ESRRG: variants seen among roughly 807,000 people sequenced by gnomAD.
ESRRG encodes the protein estrogen-related receptor gamma.
In ESRRG, 13 loss-of-function variants were observed where a neutral mutation model predicts 44.0. That is an observed-to-expected ratio of 0.30 (90% CI 0.19 to 0.47). ESRRG has a LOEUF of 0.47. Among genes scored for constraint, ESRRG ranks in the 20% least tolerant of loss-of-function variants. The probability of loss-of-function intolerance (pLI) is 1.00; values close to 1 mark genes in which losing one functional copy is unlikely to be tolerated. For synonymous variants in ESRRG, 215 were observed against 214.6 expected (o/e 1.00, Z -0.02); for missense variants, 395 against 580.6 (o/e 0.68, Z 3.29).
intron 6 of ESRRG, among the ~76,000 whole-genome samples, chr1:216,512,684 T>C (rs1368555028): frequency 6.6e-6 from 1 of 152,084 alleles, no homozygotes; most frequent in Non-Finnish European, 1.5e-5. Flanking sequence ...TATGTACTTA[T>C]CGTGGTAGGC....
At chr1:216,717,836 T>G (rs2085243516) in intron 1 of ESRRG, among the ~76,000 whole-genome samples, 1 of 151,784 alleles carries the variant, frequency 6.6e-6, no homozygotes, top group East Asian at 1.9e-4. Context: ...ATAAAGGAAA[T>G]TCATATTTTG....
intron 5 of ESRRG, among the ~76,000 whole-genome samples, chr1:216,528,047 GAATA>G (rs149251157): frequency 0.083 from 12,550 of 152,096 alleles, 1,032 homozygotes; most frequent in African/African-American, 0.21. Flanking sequence ...CTAAATGAAT[GAATA>G]GAGAATTCCT....
chr1:217,054,262 A>G (rs2086659317), intron 1 of ESRRG, among the ~76,000 whole-genome samples: 1 of 152,172 alleles, frequency 6.6e-6, no homozygotes, highest in African/African-American at 2.4e-5. Context: ...CCAATAGGCT[A>G]TTGATCATAC....
chr1:216,959,628 A>G (rs909483630), intron 1 of ESRRG: 6 of 152,108 alleles, frequency 3.9e-5, no homozygotes, highest in African/African-American at 1.2e-4. Context: ...TCAAGGCAGG[A>G]GTAAGCTCTG....
At chr1:216,943,427 A>G (rs2065571872) in intron 1 of ESRRG, among the ~76,000 whole-genome samples, 1 of 152,206 alleles carries the variant, frequency 6.6e-6, no homozygotes, top group Non-Finnish European at 1.5e-5. Context: ...TCTGTTCTTC[A>G]GGTCTCAAAC....
In ESRRG at chr1:216,614,446, A is replaced by G. The variant is rs144927154; in HGVS notation, c.589+36527T>C. On this transcript the variant is annotated intron_variant, in intron 3 of 6. Coordinates refer to ENST00000408911, the MANE Select transcript of ESRRG (RefSeq NM_001438.4). ...AGGAATACAGCCTGTTAGCTCCAAC[A>G]TGGTAGCTGAATATATATCTGGTGA... Among the ~76,000 whole-genome samples, 420 of 152,280 alleles carry G rather than the reference A, an allele frequency of 2.8e-3. 3 individuals are homozygous for G. Among genetic ancestry groups the G allele is most frequent in the African/African-American group, 9.7e-3 (401 of 41,544 alleles).
intron 1 of ESRRG, among the ~76,000 whole-genome samples, chr1:217,082,579 C>T (rs961708137): frequency 6.6e-6 from 1 of 152,072 alleles, no homozygotes; most frequent in Admixed American, 6.5e-5. Flanking sequence ...ACTAGTTTGC[C>T]TCTTTTTCCT....
At chr1:216,548,839 C>T (rs569136074) in intron 5 of ESRRG, among the ~76,000 whole-genome samples, 57 of 152,056 alleles carry the variant, frequency 3.7e-4, no homozygotes, top group African/African-American at 4.8e-4. Context: ...GAGTAATTAC[C>T]GTAAAGGTAC....
chr1:216,842,190 C>G (rs6698423), intron 2 of ESRRG, among the ~76,000 whole-genome samples: 5,123 of 152,196 alleles, frequency 0.034, 301 homozygotes, highest in African/African-American at 0.11. Flanking sequence ...GCTATTAAAC[C>G]TATTCGCTAT....
chr1:216,692,312 ATGTGTGTGTGTGTGTGTGTGTGTG>A (rs56856888), intron 1 of ESRRG, among the ~76,000 whole-genome samples: 2 of 147,592 alleles, frequency 1.4e-5, no homozygotes, highest in South Asian at 2.2e-4. Context: ...AGGCTAGTGT[ATGTGTGTGTGTGTGTGTGTGTGTG>A]TGTGTGTGTG....
chr1:217,082,670 A>C (rs115839642), intron 1 of ESRRG, among the ~76,000 whole-genome samples: 24,374 of 127,930 alleles, frequency 0.19, 2,244 homozygotes, highest in Admixed American at 0.27. Flanking sequence ...CCCCCACCCC[A>C]CACACACACA....
In ESRRG at chr1:217,016,280, C is replaced by T. The variant is rs758587736; in HGVS notation, c.-106+73227G>A. Among the ~76,000 whole-genome samples, 92 of 151,844 alleles carry T rather than the reference C, an allele frequency of 6.1e-4. 1 individual carries two copies. The highest frequency in any genetic ancestry group is 3.3e-4 in the Admixed American group (5 of 15,232). Reference sequence around the variant, plus strand: ...TTTTTAATAAAGCCAAGTGCCATTTCCTTTTTTTTTAAGATTGTATAATGG... The same window carrying T: ...TTTTTAATAAAGCCAAGTGCCATTTTCTTTTTTTTTAAGATTGTATAATGG... On this transcript the variant is annotated intron_variant, in intron 1 of 7. Transcript: ENST00000359162.
intron 2 of ESRRG, among the ~76,000 whole-genome samples, chr1:216,670,595 T>G (rs988750210): frequency 2.0e-5 from 3 of 152,168 alleles, no homozygotes; most frequent in African/African-American, 7.2e-5. Context: ...TCAAACTCCC[T>G]GGCTAGATCA....
intron 3 of ESRRG, among the ~76,000 whole-genome samples, chr1:216,622,609 TACACACACGC>T (rs2062439273): frequency 6.6e-6 from 1 of 150,824 alleles, no homozygotes; most frequent in African/African-American, 2.4e-5. Flanking sequence ...AAATGAAAAT[TACACACACGC>T]ACACACACAC....
intron 5 of ESRRG, among the ~76,000 whole-genome samples, chr1:216,524,305 CTTTT>C (rs967501779): frequency 1.5e-4 from 21 of 141,196 alleles, no homozygotes; most frequent in Non-Finnish European, 2.5e-4. Flanking sequence ...TATACACACA[CTTTT>C]TTTTCATGAA....
chr1:216,717,124 T>C (rs1356368421), intron 1 of ESRRG, among the ~76,000 whole-genome samples: 1 of 151,920 alleles, frequency 6.6e-6, no homozygotes, highest in African/African-American at 2.4e-5. Context: ...TTTGTGTATA[T>C]ACACACATAT....
intron 2 of ESRRG, among the ~76,000 whole-genome samples, chr1:216,798,530 T>G (rs993574377): frequency 6.6e-6 from 1 of 152,152 alleles, no homozygotes; most frequent in African/African-American, 2.4e-5. Flanking sequence ...TCCTGCAAGC[T>G]ACTTATGGTC....
chr1:216,911,065 ATCTTG>A (rs2149580428), intron 2 of ESRRG, among the ~76,000 whole-genome samples: 1 of 152,302 alleles, frequency 6.6e-6, no homozygotes, highest in African/African-American at 2.4e-5. Flanking sequence ...ACATCATCTT[ATCTTG>A]TAGGCCTTTT....
intron 2 of ESRRG, among the ~76,000 whole-genome samples, chr1:216,667,017 G>A (rs757334556): frequency 4.6e-5 from 7 of 152,118 alleles, no homozygotes; most frequent in African/African-American, 1.4e-4. Context: ...GAACAGGTAC[G>A]TTTGAGTAAC....
Sources: allele counts gnomAD v4.1 joint callset (sites outside exome capture counted in the v4.1 genomes callset), GRCh38; gene constraint gnomAD v4.1.1; transcripts MANE v1.5; gene names NCBI Gene and HGNC (gene_info 2026-07-23, HGNC 2026-07-21).